Variants in WDFY3 observed in about 807,000 individuals in gnomAD.
WDFY3 encodes the protein WD repeat and FYVE domain containing 3.
In WDFY3, 66 loss-of-function variants were observed where a neutral mutation model predicts 409.6. The ratio of observed to expected loss-of-function variants is 0.16; its 90% CI spans 0.13 to 0.20. The LOEUF (loss-of-function observed/expected upper bound fraction) is 0.20, where lower values mean the gene tolerates loss of function less well. Among genes scored for constraint, WDFY3 ranks in the 10% least tolerant of loss-of-function variants. WDFY3 has a pLI of 1.00. For missense variants in WDFY3, 3,031 were observed against 4,298.1 expected (o/e 0.71, Z 8.24); for synonymous variants, 1,521 against 1,537.1 (o/e 0.99, Z 0.25).
chr4:84,778,386 G>T, intron 27 of WDFY3, 117 bp downstream of exon 27: 2 of 915,328 alleles, frequency 2.2e-6, no homozygotes, highest in Non-Finnish European at 1.5e-6. Context: ...ATATTAACAT[G>T]AACATCATAA....
Position 84,774,717 on chromosome 4 carries a change from G to A in WDFY3, c.4754+103C>T, listed in dbSNP as rs1745253941. The A allele has an allele frequency of 6.9e-6, 8 of 1,160,188 alleles. No individual in the cohort carries two copies. The South Asian group carries it at 1.1e-4, about 17-fold the overall frequency. The allele number at this position is 1,160,188 out of a possible 1,614,324, so 71.9% of individuals were successfully genotyped here. On this transcript the variant is annotated intron_variant, in intron 29 of 67. Coordinates refer to ENST00000295888, the MANE Select transcript of WDFY3 (RefSeq NM_014991.6). ...TTTGAATCGTATTAACATTACAGGT[G>A]TTATTACACAGTCATAAAAACCAAT...
At chr4:84,831,933 T>G (rs913385031) in intron 7 of WDFY3, among the ~76,000 whole-genome samples, 1 of 152,090 alleles carries the variant, frequency 6.6e-6, no homozygotes, top group Non-Finnish European at 1.5e-5. Flanking sequence ...GTATGGAGGA[T>G]CCTCAGAAAA....
intron 27 of WDFY3, among the ~76,000 whole-genome samples, chr4:84,776,469 A>G (rs1159380992): frequency 1.3e-5 from 2 of 152,074 alleles, no homozygotes; most frequent in African/African-American, 4.8e-5. Flanking sequence ...ATGTTTGTAT[A>G]TTGAGTTTTA....
chr4:84,693,742 A>G (rs928307378), intron 58 of WDFY3, among the ~76,000 whole-genome samples: 2 of 152,100 alleles, frequency 1.3e-5, no homozygotes, highest in African/African-American at 2.4e-5. Context: ...TAAAAATACA[A>G]AAATTAGCTG....
chr4:84,811,397 T>G (rs1350353908), intron 13 of WDFY3, among the ~76,000 whole-genome samples: 1 of 152,210 alleles, frequency 6.6e-6, no homozygotes, highest in Admixed American at 6.6e-5. Context: ...ACTAGCTTAT[T>G]TAATCCTTTC....
chr4:84,681,363 T>C (rs956485498), intron 64 of WDFY3, among the ~76,000 whole-genome samples: 1 of 152,186 alleles, frequency 6.6e-6, no homozygotes, highest in Admixed American at 6.5e-5. Flanking sequence ...ATCTGACATA[T>C]AACAGGTAAC....
At chr4:84,740,870 T>C (rs17009237) in intron 38 of WDFY3, among the ~76,000 whole-genome samples, 2,816 of 152,320 alleles carry the variant, frequency 0.018, 90 homozygotes, top group African/African-American at 0.065. Flanking sequence ...AATACAAATA[T>C]ATCCCTTTGA....
intron 35 of WDFY3, among the ~76,000 whole-genome samples, chr4:84,752,126 A>G (rs1370691811): frequency 6.6e-6 from 1 of 152,160 alleles, no homozygotes; most frequent in Non-Finnish European, 1.5e-5. Flanking sequence ...CATTTATTAT[A>G]GGTTAAAAAA....
chr4:84,803,210 C>G, intron 16 of WDFY3, 80 bp downstream of exon 16: 1 of 1,387,432 alleles, frequency 7.2e-7, no homozygotes, highest in Non-Finnish European at 9.5e-7. Flanking sequence ...CTTCCTCAAC[C>G]CCCTAGCTCA....
At chr4:84,679,973 C>T (rs1156910222) in intron 64 of WDFY3, among the ~76,000 whole-genome samples, 1 of 151,822 alleles carries the variant, frequency 6.6e-6, no homozygotes, top group African/African-American at 2.4e-5. Context: ...TCATTGCAAC[C>T]TTTGCCTCCT....
chr4:84,834,081 G>A (rs1209421912), intron 7 of WDFY3, among the ~76,000 whole-genome samples: 1 of 152,180 alleles, frequency 6.6e-6, no homozygotes, highest in Non-Finnish European at 1.5e-5. Flanking sequence ...TCAGAGGGGT[G>A]TATTAGTGAT....
chr4:84,963,054 T>C (rs1775115496), intron 1 of WDFY3, among the ~76,000 whole-genome samples: 1 of 150,702 alleles, frequency 6.6e-6, no homozygotes, highest in Non-Finnish European at 1.5e-5. Context: ...AGTGTAAATA[T>C]CAGGAAGGCA....
chr4:84,781,983 C>T (rs1429365284), intron 25 of WDFY3, among the ~76,000 whole-genome samples: 1 of 152,022 alleles, frequency 6.6e-6, no homozygotes, highest in Non-Finnish European at 1.5e-5. Context: ...AAAAAGGAAC[C>T]AGTATTATAT....
At chr4:84,965,517 A>G (rs1775526959) in intron 1 of WDFY3, among the ~76,000 whole-genome samples, 2 of 152,220 alleles carry the variant, frequency 1.3e-5, no homozygotes, top group South Asian at 4.1e-4. Context: ...ACTGCACCTG[A>G]GGCTCAAACA....
chr4:84,755,868 ACT>A (rs1741349321), intron 33 of WDFY3, among the ~76,000 whole-genome samples: 1 of 152,220 alleles, frequency 6.6e-6, no homozygotes, highest in South Asian at 2.1e-4. Flanking sequence ...TTATATATAA[ACT>A]TTATGACTAT....
At chr4:84,926,114 A>G (rs961166872) in intron 2 of WDFY3, among the ~76,000 whole-genome samples, 36 of 144,820 alleles carry the variant, frequency 2.5e-4, no homozygotes, top group Non-Finnish European at 4.4e-4. Context: ...CCCGGGTTCA[A>G]GCAATTCTTG....
intron 2 of WDFY3, among the ~76,000 whole-genome samples, chr4:84,908,666 A>G (rs1400269776): frequency 1.3e-5 from 2 of 152,160 alleles, no homozygotes; most frequent in Non-Finnish European, 2.9e-5. Flanking sequence ...TTTTATTGCT[A>G]GTATGAAGTA....
intron 2 of WDFY3, among the ~76,000 whole-genome samples, chr4:84,902,689 T>G (rs1295391942): frequency 2.6e-5 from 4 of 152,226 alleles, no homozygotes; most frequent in African/African-American, 7.2e-5. Context: ...TCTTTGATAT[T>G]CCTACTTTTA....
At chr4:84,691,959 G>C (rs1729344098) in intron 59 of WDFY3, among the ~76,000 whole-genome samples, 174 bp from the exon 60 acceptor site, 1 of 152,154 alleles carries the variant, frequency 6.6e-6, no homozygotes, top group South Asian at 2.1e-4. Flanking sequence ...AGACCTGCTG[G>C]GTGGAATGTT....
Sources: allele counts gnomAD v4.1 joint callset (sites outside exome capture counted in the v4.1 genomes callset), GRCh38; gene constraint gnomAD v4.1.1; transcripts MANE v1.5; gene names NCBI Gene and HGNC (gene_info 2026-07-23, HGNC 2026-07-21).